The following GALNT14 variants were observed in gnomAD, a reference collection of about 807,000 sequenced individuals.
The protein encoded by GALNT14 is UDP-GalNAc:polypeptide N-acetylgalactosaminyltransferase 14.
In GALNT14, 60 loss-of-function variants were observed where a neutral mutation model predicts 77.5. The observed-to-expected ratio is 0.77, with a 90% CI of 0.63 to 0.96. The LOEUF (loss-of-function observed/expected upper bound fraction) is 0.96. Among genes scored for constraint, GALNT14 ranks in the 40% least tolerant of loss-of-function variants. GALNT14 has a pLI of 0.00. For missense variants in GALNT14, 710 were observed against 731.0 expected (o/e 0.97, Z 0.33); for synonymous variants, 280 against 281.7 (o/e 0.99, Z 0.06).
chr2:30,992,769 C>T, intron 2 of GALNT14, 69 bp downstream of exon 2: 2 of 1,540,750 alleles, frequency 1.3e-6, no homozygotes, highest in Middle Eastern at 1.7e-4. Context: ...ATACAGCAGG[C>T]CCCAGATCAA....
intron 1 of GALNT14, among the ~76,000 whole-genome samples, chr2:31,081,370 T>C (rs1352626016): frequency 1.3e-5 from 2 of 152,232 alleles, no homozygotes; most frequent in African/African-American, 2.4e-5. Flanking sequence ...CAGTCTAAAC[T>C]TGGAAATCAT....
At chr2:31,077,430 C>T (rs551371583) in intron 1 of GALNT14, among the ~76,000 whole-genome samples, 1 of 152,192 alleles carries the variant, frequency 6.6e-6, no homozygotes, top group Non-Finnish European at 1.5e-5. Context: ...CTGTCTCCCT[C>T]TTTAAATTCT....
chr2:30,987,220 A>T (rs2194459), intron 2 of GALNT14, among the ~76,000 whole-genome samples: 96,872 of 151,462 alleles, frequency 0.64, 31,285 homozygotes, highest in Middle Eastern at 0.77. Context: ...CTGACGACAG[A>T]GGTTTCCATC....
chr2:31,088,086 T>C (rs1676543440), intron 1 of GALNT14, among the ~76,000 whole-genome samples: 1 of 152,202 alleles, frequency 6.6e-6, no homozygotes. Context: ...CTGTTGTTGA[T>C]AATCCACCCA....
chr2:31,053,872 A>C (rs1674050072), intron 1 of GALNT14, among the ~76,000 whole-genome samples: 1 of 152,172 alleles, frequency 6.6e-6, no homozygotes, highest in Non-Finnish European at 1.5e-5. Flanking sequence ...TTTAAGTCTG[A>C]TCAAGGCTGG....
At chr2:30,907,130 T>TA (rs1558391346), downstream of GALNT14, among the ~76,000 whole-genome samples, 3 of 152,148 alleles carry the variant, frequency 2.0e-5, no homozygotes, top group South Asian at 6.2e-4. Context: ...ATTGACACCC[T>TA]AACATCACAA....
At chr2:30,956,931 T>G (rs10207395) in intron 4 of GALNT14, among the ~76,000 whole-genome samples, 4,354 of 152,318 alleles carry the variant, frequency 0.029, 81 homozygotes, top group East Asian at 0.056. Context: ...GACCTGCTTT[T>G]GGAAGGGTCC....
chr2:30,927,532 C>A (rs935131695), intron 11 of GALNT14, among the ~76,000 whole-genome samples: 4 of 152,164 alleles, frequency 2.6e-5, no homozygotes, highest in Non-Finnish European at 5.9e-5. Flanking sequence ...ATGAATGCAG[C>A]GATGAATGGT....
At chr2:30,976,261 C>T (rs138253704) in intron 2 of GALNT14, among the ~76,000 whole-genome samples, 100 of 152,288 alleles carry the variant, frequency 6.6e-4, no homozygotes, top group African/African-American at 2.3e-3. Context: ...AGTTCTGCTG[C>T]CTGTACTGAC....
chr2:31,020,348 A>AGT (rs1553359487), intron 1 of GALNT14, among the ~76,000 whole-genome samples: 1 of 152,236 alleles, frequency 6.6e-6, no homozygotes, highest in Non-Finnish European at 1.5e-5. Flanking sequence ...CATAGTTTAT[A>AGT]GTATTGTCAT....
At chr2:31,128,858 A>T (rs1573389134) in intron 1 of GALNT14, among the ~76,000 whole-genome samples, 2 of 152,142 alleles carry the variant, frequency 1.3e-5, no homozygotes, top group African/African-American at 4.8e-5. Flanking sequence ...GGCCTTTCCT[A>T]GAAGAAAACC....
rs187153316 is a variant in GALNT14, at chr2:31,046,471, A to T, written c.130-53464T>A. ...TCTCGATCTCCTGACGTCATGATCC[A>T]CCCGCCTCGGCATCCCTAAGTGCTG... On this transcript the variant is annotated intron_variant, in intron 1 of 14. Transcript: ENST00000349752. Among the ~76,000 whole-genome samples, 49 of 151,806 alleles carry T rather than the reference A, an allele frequency of 3.2e-4. 1 individual carries two copies. The East Asian group carries it at 8.5e-3, about 26-fold the overall frequency.
intron 1 of GALNT14, among the ~76,000 whole-genome samples, chr2:31,023,602 T>G (rs181082299): frequency 1.3e-5 from 2 of 152,120 alleles, no homozygotes; most frequent in Non-Finnish European, 2.9e-5. Flanking sequence ...TTTATCCCAG[T>G]GATTCTACTG....
intron 1 of GALNT14, among the ~76,000 whole-genome samples, chr2:31,030,477 C>T (rs1672337398): frequency 6.6e-6 from 1 of 152,146 alleles, no homozygotes; most frequent in African/African-American, 2.4e-5. Flanking sequence ...AAGTTCACTG[C>T]TAGTGTTTAA....
At chr2:30,928,906 C>T (rs534094811) in intron 11 of GALNT14, among the ~76,000 whole-genome samples, 51 of 152,186 alleles carry the variant, frequency 3.4e-4, no homozygotes, top group African/African-American at 1.2e-3. Context: ...TGAGCCACCA[C>T]GCCAAGCCTG....
intron 8 of GALNT14, among the ~76,000 whole-genome samples, chr2:30,944,312 G>A (rs183252806): frequency 9.2e-4 from 140 of 152,324 alleles, no homozygotes; most frequent in Admixed American, 2.9e-3. Flanking sequence ...TCACAGTGGG[G>A]CCTGGGAGAG....
At chr2:31,028,426 C>T (rs547496492) in intron 1 of GALNT14, among the ~76,000 whole-genome samples, 1 of 152,298 alleles carries the variant, frequency 6.6e-6, no homozygotes, top group East Asian at 1.9e-4. Flanking sequence ...GAAAGAGACC[C>T]TAATTCAGCC....
At position 30,955,897 on chromosome 2, in the gene GALNT14, A is replaced by G; in HGVS notation, c.532+15T>C. 6.2e-7 allele frequency: 1 copy of G among 1,613,688 alleles called. No individual in the cohort carries two copies. Among genetic ancestry groups the G allele is most frequent in the South Asian group, 1.1e-5 (1 of 91,056 alleles). On this transcript the variant is annotated intron_variant, in intron 5 of 14. Coordinates refer to ENST00000349752, the MANE Select transcript of GALNT14 (RefSeq NM_024572.4). ...CACTCACACTGGAGGCTCCCGCACAACAGCTCAGACCTACCTTGCCGTTCA... is the reference window on the plus strand; with the variant it reads ...CACTCACACTGGAGGCTCCCGCACAGCAGCTCAGACCTACCTTGCCGTTCA...
intron 9 of GALNT14, among the ~76,000 whole-genome samples, chr2:30,940,217 G>A (rs1403599637): frequency 6.6e-6 from 1 of 152,188 alleles, no homozygotes; most frequent in African/African-American, 2.4e-5. Flanking sequence ...CCTTGTTGAT[G>A]CCAAAAGAGT....
Sources: gnomAD v4.1 joint callset for allele counts (sites outside exome capture counted in the v4.1 genomes callset) on GRCh38, gnomAD v4.1.1 for gene constraint, MANE v1.5 for transcripts, NCBI Gene and HGNC (gene_info 2026-07-23, HGNC 2026-07-21) for gene names.